The following EXOC4 variants were observed in gnomAD, a reference collection of about 807,000 sequenced individuals.
The protein encoded by EXOC4 is exocyst complex component 4, also known as SEC8-like 1.
In EXOC4, 71 loss-of-function variants were observed where a neutral mutation model predicts 107.2. The ratio of observed to expected loss-of-function variants is 0.66; its 90% CI spans 0.55 to 0.81. EXOC4 has a LOEUF of 0.81. EXOC4 is among the 30% of genes least tolerant of loss of function. The pLI is 0.00. For synonymous variants in EXOC4, 456 were observed against 441.2 expected, an observed-to-expected ratio of 1.03 and a Z score of -0.42; for missense variants, 1,108 against 1,189.6, an observed-to-expected ratio of 0.93 and a Z score of 1.01.
intron 7 of EXOC4, among the ~76,000 whole-genome samples, chr7:133,460,515 T>A: frequency 6.6e-6 from 1 of 152,230 alleles, no homozygotes; most frequent in East Asian, 1.9e-4. Flanking sequence ...AATTCCATGT[T>A]TTGAATTAAC....
At chr7:133,565,989 T>A (rs1332238842) in intron 9 of EXOC4, among the ~76,000 whole-genome samples, 1 of 152,186 alleles carries the variant, frequency 6.6e-6, no homozygotes, top group African/African-American at 2.4e-5. Flanking sequence ...ACAATGTTAG[T>A]GTCTAAATAG....
chr7:133,936,447 C>G (rs904821157), intron 13 of EXOC4, among the ~76,000 whole-genome samples: 3 of 152,146 alleles, frequency 2.0e-5, no homozygotes, highest in Admixed American at 1.3e-4. Flanking sequence ...ACTGCATGCT[C>G]GAAACTTAAT....
chr7:133,569,128 G>GA (rs1017722610), intron 9 of EXOC4, among the ~76,000 whole-genome samples: 4 of 147,750 alleles, frequency 2.7e-5, no homozygotes, highest in Admixed American at 6.7e-5. Context: ...CTCCCTTTGA[G>GA]AAAAAAAAGA....
chr7:133,965,724 G>A (rs545741213), intron 14 of EXOC4, among the ~76,000 whole-genome samples: 2 of 152,220 alleles, frequency 1.3e-5, no homozygotes, highest in South Asian at 2.1e-4. Flanking sequence ...TTTGGTTACT[G>A]TAGCCTTGTA....
At chr7:134,075,493 G>A in the EXOC4 span, among the ~76,000 whole-genome samples, 1 of 152,174 alleles carries the variant, frequency 6.6e-6, no homozygotes, top group African/African-American at 2.4e-5. Flanking sequence ...ATGGCAGCAG[G>A]TAAGACAGAA....
intron 10 of EXOC4, among the ~76,000 whole-genome samples, chr7:133,768,629 G>A (rs982451180): frequency 4.1e-4 from 62 of 152,076 alleles, no homozygotes; most frequent in African/African-American, 1.4e-3. Flanking sequence ...TATGAAATTT[G>A]TATCTGGTTC....
chr7:133,409,749 A>T (rs1797314585), intron 7 of EXOC4, among the ~76,000 whole-genome samples: 1 of 152,240 alleles, frequency 6.6e-6, no homozygotes, highest in East Asian at 1.9e-4. Context: ...GAAGAATGCT[A>T]CTATTGGCCA....
intron 5 of EXOC4, among the ~76,000 whole-genome samples, chr7:133,344,173 T>C (rs1795731704): frequency 6.6e-6 from 1 of 151,848 alleles, no homozygotes; most frequent in African/African-American, 2.4e-5. Flanking sequence ...CTCTTCACAC[T>C]TTCCTGTTTT....
rs538221837 is a variant in EXOC4 at position 133,751,996 on chromosome 7, A to C, written c.1515-65329A>C. Reference sequence around the variant, plus strand: ...TATCTCTCTACCAAATAAATAAATAAATAAATAAATAAATAAATTATCTGG... The same window carrying C: ...TATCTCTCTACCAAATAAATAAATACATAAATAAATAAATAAATTATCTGG... On this transcript the variant is annotated intron_variant, in intron 10 of 17. Coordinates refer to ENST00000253861, the MANE Select transcript of EXOC4 (RefSeq NM_021807.4). Among the ~76,000 whole-genome samples, 20 of 151,432 alleles carry C rather than the reference A, an allele frequency of 1.3e-4. No homozygotes were observed. In the South Asian group the frequency reaches 1.9e-3, roughly 14 times the overall value.
At chr7:133,342,201 G>C (rs1266310877) in intron 5 of EXOC4, among the ~76,000 whole-genome samples, 1 of 152,058 alleles carries the variant, frequency 6.6e-6, no homozygotes, top group South Asian at 2.1e-4. Context: ...AAGATTTAGA[G>C]CTCCTGTTAG....
intron 11 of EXOC4, among the ~76,000 whole-genome samples, chr7:133,823,401 G>T (rs1474454825): frequency 6.6e-6 from 1 of 151,984 alleles, no homozygotes; most frequent in Admixed American, 6.6e-5. Context: ...GGCGTGCTTG[G>T]GCATCAGTGT....
intron 10 of EXOC4, among the ~76,000 whole-genome samples, chr7:133,717,910 G>T (rs983556551): frequency 6.6e-6 from 1 of 152,156 alleles, no homozygotes; most frequent in Non-Finnish European, 1.5e-5. Context: ...ATAAACAGAG[G>T]CTAAAGAACT....
chr7:133,723,472 C>A (rs979280208), intron 10 of EXOC4, among the ~76,000 whole-genome samples: 1 of 105,628 alleles, frequency 9.5e-6, no homozygotes, highest in African/African-American at 3.7e-5. Flanking sequence ...GGGAGAACAT[C>A]TTTTTTTTTC....
chr7:134,002,256 T>C lies in EXOC4; in HGVS notation c.2349-2656T>C, dbSNP rs139060280. Among the ~76,000 whole-genome samples, 715 of 152,294 alleles carry C rather than the reference T, an allele frequency of 4.7e-3. 4 individuals are homozygous for C. Among genetic ancestry groups the C allele is most frequent in the African/African-American group, 0.016 (657 of 41,564 alleles). ...ATCTATCAGTAAAAATGAGCAGTAG[T>C]CAAGATACTTGGATTCTCTTGGATG... On this transcript the variant is annotated intron_variant, in intron 15 of 17. Coordinates refer to ENST00000253861, the MANE Select transcript of EXOC4 (RefSeq NM_021807.4).
chr7:133,676,150 G>A (rs1425812612), intron 10 of EXOC4, among the ~76,000 whole-genome samples: 1 of 151,824 alleles, frequency 6.6e-6, no homozygotes, highest in Non-Finnish European at 1.5e-5. Flanking sequence ...TTTATTGAGT[G>A]CCCGTTATGT....
At chr7:133,965,248 G>C (rs1801037031) in intron 14 of EXOC4, among the ~76,000 whole-genome samples, 1 of 152,170 alleles carries the variant, frequency 6.6e-6, no homozygotes, top group Non-Finnish European at 1.5e-5. Flanking sequence ...CAGATGGATA[G>C]ATTGCAAAAA....
chr7:133,534,488 G>A (rs1326846903), intron 9 of EXOC4, among the ~76,000 whole-genome samples: 1 of 152,134 alleles, frequency 6.6e-6, no homozygotes, highest in African/African-American at 2.4e-5. Flanking sequence ...TAAAGAGGAT[G>A]GAAATCACAG....
intron 15 of EXOC4, among the ~76,000 whole-genome samples, chr7:134,003,954 C>T (rs1794585093): frequency 6.6e-6 from 1 of 152,116 alleles, no homozygotes; most frequent in African/African-American, 2.4e-5. Context: ...CATTTTCACA[C>T]AGAAATGCCC....
intron 7 of EXOC4, among the ~76,000 whole-genome samples, chr7:133,466,500 C>T (rs1798731917): frequency 6.6e-6 from 1 of 152,128 alleles, no homozygotes; most frequent in Admixed American, 6.5e-5. Flanking sequence ...AGTACCAAAA[C>T]TGACTCAAGA....
Sources: gnomAD v4.1 joint callset for allele counts (sites outside exome capture counted in the v4.1 genomes callset) on GRCh38, gnomAD v4.1.1 for gene constraint, MANE v1.5 for transcripts, NCBI Gene and HGNC (gene_info 2026-07-23, HGNC 2026-07-21) for gene names.